Variants in TLE2 observed in about 807,000 individuals in gnomAD.
TLE2 encodes transducin-like enhancer protein 2.
Under a neutral mutation model 97.2 loss-of-function variants are expected in TLE2, and 74 were observed. The ratio of observed to expected loss-of-function variants is 0.76; its 90% CI spans 0.63 to 0.92. The LOEUF is 0.92. Ranked by LOEUF, TLE2 falls within the 40% of genes least tolerant of loss-of-function variation. TLE2 has a pLI of 0.00. For synonymous variants in TLE2, 499 were observed against 432.1 expected, an observed-to-expected ratio of 1.15 and a Z score of -1.92; for missense variants, 1,038 against 1,008.7, an observed-to-expected ratio of 1.03 and a Z score of -0.39.
intron 1 of TLE2, chr19:3,045,642 C>T (rs2090136085): frequency 5.3e-6 from 2 of 374,008 alleles, no homozygotes. Context: ...CATGGTGAAA[C>T]CACCCCCCAC....
chr19:3,017,297 T>C (rs113230205), intron 8 of TLE2, among the ~76,000 whole-genome samples: 2,019 of 151,330 alleles, frequency 0.013, 43 homozygotes, highest in African/African-American at 0.046. Flanking sequence ...GCCGCCACGT[T>C]TGGCTAATTT....
chr19:3,003,386 C>G (rs1819711437), intron 17 of TLE2, among the ~76,000 whole-genome samples: 1 of 152,102 alleles, frequency 6.6e-6, no homozygotes, highest in South Asian at 2.1e-4. Context: ...GCCTGTAATC[C>G]CAACACTGTG....
rs761890014 is a variant in TLE2 at position 2,997,963 on chromosome 19, G to C, written c.2125-8C>G. 9.4e-6 allele frequency: 15 copies of C among 1,602,704 alleles called. No homozygotes were observed. Among genetic ancestry groups the C allele is most frequent in the Non-Finnish European group, 1.3e-5 (15 of 1,172,260 alleles). ...TGAGGACGACTCCTTGGACTGCCAA[G>C]GGAAGGGAGAGAGAAAAGGGCACAG... is the stretch of plus-strand genomic sequence containing the variant. On this transcript the variant is annotated splice_polypyrimidine_tract_variant and splice_region_variant and intron_variant, in intron 19 of 19. Coordinates refer to ENST00000262953, the MANE Select transcript of TLE2 (RefSeq NM_003260.5).
At chr19:3,025,256 C>A in intron 4 of TLE2, 174 bp from the exon 5 acceptor site, 1 of 1,103,668 alleles carries the variant, frequency 9.1e-7, no homozygotes, top group Non-Finnish European at 1.2e-6. Flanking sequence ...ATTCAGAGCC[C>A]CACCAGGCTG....
At chr19:3,036,278 C>T (rs550982032) in intron 1 of TLE2, among the ~76,000 whole-genome samples, 18 of 152,340 alleles carry the variant, frequency 1.2e-4, no homozygotes, top group Middle Eastern at 6.8e-3. Context: ...TTCCCAGAAG[C>T]TCCCGCGCGG....
At chr19:3,004,660 T>G (rs543644637) in intron 17 of TLE2, among the ~76,000 whole-genome samples, 1 of 148,150 alleles carries the variant, frequency 6.7e-6, no homozygotes, top group East Asian at 2.0e-4. Flanking sequence ...AGGAGTTAGC[T>G]CCTCTTAGGT....
chr19:3,003,413 G>A (rs1435534626), intron 17 of TLE2, among the ~76,000 whole-genome samples: 3 of 152,154 alleles, frequency 2.0e-5, no homozygotes, highest in East Asian at 1.9e-4. Flanking sequence ...CGAGGCGGGC[G>A]GATCATCTGA....
chr19:2,998,451 T>C (rs2089275453), intron 19 of TLE2, among the ~76,000 whole-genome samples: 1 of 148,424 alleles, frequency 6.7e-6, no homozygotes, highest in Non-Finnish European at 1.5e-5. Context: ...CTAATTTTTG[T>C]ATTTTTAGAA....
At chr19:3,025,515 C>T (rs1479485242) in intron 4 of TLE2, 1 of 998,122 alleles carries the variant, frequency 1.0e-6, no homozygotes, top group Non-Finnish European at 1.2e-6. Flanking sequence ...CCAGGCAAGG[C>T]CCCTTTCTTG....
rs572919997 is a variant in TLE2 at position 3,045,008 on chromosome 19, A to G, written c.63+718T>C. On this transcript the variant is annotated intron_variant, in intron 1 of 18. Transcript: ENST00000426948. Reference sequence around the variant, plus strand: ...CGAGGTGGGTGGATCACTTGAGGTCAGGAGTTTCAGACCAGCCTGGCCAAC... The same window carrying G: ...CGAGGTGGGTGGATCACTTGAGGTCGGGAGTTTCAGACCAGCCTGGCCAAC... Among the ~76,000 whole-genome samples the G allele has an allele frequency of 5.9e-5, 9 of 152,238 alleles. No individual in the cohort carries two copies. In the East Asian group the frequency reaches 1.6e-3, roughly 26 times the overall value.
At chr19:3,037,251 C>T (rs930491707) in intron 1 of TLE2, among the ~76,000 whole-genome samples, 1 of 152,216 alleles carries the variant, frequency 6.6e-6, no homozygotes, top group African/African-American at 2.4e-5. Context: ...CGCCACTGCA[C>T]TCTAGCCTGG....
In TLE2 at chr19:3,005,470, G is replaced by A. The variant is rs370245353; in HGVS notation, c.1863C>T (p.Gly621=). ...NTVRCWDLRE[G]RQLQQHDFSS... is the part of the protein sequence containing the mutation. ...TGAAGTCATGCTGCTGCAGCTGGCG[G>A]CCCTCCCGCAGGTCCCAGCAGCGCA... is the stretch of plus-strand genomic sequence containing the variant. The change falls in exon 17 of 20, where the codon GGC becomes GGT. Residue 621 remains glycine (G), a synonymous_variant. Coordinates refer to ENST00000262953, the MANE Select transcript of TLE2 (RefSeq NM_003260.5). 1 of 1,613,682 alleles carries A rather than the reference G, an allele frequency of 6.2e-7. No individual in the cohort carries two copies. Among genetic ancestry groups the A allele is most frequent in the Non-Finnish European group, 8.5e-7 (1 of 1,179,830 alleles).
At chr19:3,000,451 G>A (rs1380241209) in intron 19 of TLE2, among the ~76,000 whole-genome samples, 196 bp downstream of exon 19, 1 of 152,096 alleles carries the variant, frequency 6.6e-6, no homozygotes, top group Admixed American at 6.6e-5. Flanking sequence ...GCTACGGGCA[G>A]ATGAGGCGAG....
intron 4 of TLE2, among the ~76,000 whole-genome samples, chr19:3,027,232 C>A (rs1161995707): frequency 6.6e-6 from 1 of 152,234 alleles, no homozygotes; most frequent in Non-Finnish European, 1.5e-5. Flanking sequence ...CAGAGCCTTA[C>A]GACACTGGAG....
intron 9 of TLE2, 118 bp from the exon 10 acceptor site, chr19:3,014,732 C>T: frequency 2.1e-6 from 2 of 939,944 alleles, no homozygotes; most frequent in Middle Eastern, 4.6e-4. Flanking sequence ...GACTGGGATT[C>T]TCAGACCACT....
In TLE2 at chr19:3,028,220, G is replaced by T. The variant is rs2089977645; in HGVS notation, c.186+99C>A. 4.8e-6 allele frequency: 6 copies of T among 1,245,138 alleles called. No homozygotes were observed. In the South Asian group the frequency reaches 6.4e-5, roughly 13 times the overall value. The allele number at this position is 1,245,138 out of a possible 1,614,324, so 77.1% of individuals were successfully genotyped here. A position where few individuals can be genotyped will look rare whatever the true frequency, so the allele number is the denominator to read the frequency against. ...ACCTGCCCAATGTACAGACGGGGAA[G>T]ACGAGGTTCGGAGTGGGGCAGGGAC... On this transcript the variant is annotated intron_variant, in intron 3 of 19. Coordinates refer to ENST00000262953, the MANE Select transcript of TLE2 (RefSeq NM_003260.5).
At chr19:3,024,338 C>T (rs1191108896) in intron 5 of TLE2, among the ~76,000 whole-genome samples, 1 of 151,992 alleles carries the variant, frequency 6.6e-6, no homozygotes, top group Non-Finnish European at 1.5e-5. Flanking sequence ...TTTGTAAGTG[C>T]ACAGCTCAGC....
rs2089342668 is a variant in TLE2 at position 3,000,850 on chromosome 19, G to A, written c.2048-127C>T. 4.6e-6 allele frequency: 3 copies of A among 646,290 alleles called. No individual in the cohort carries two copies. In the South Asian group the frequency reaches 5.6e-5, roughly 12 times the overall value. The allele number at this position is 646,290 out of a possible 1,614,324, so 40.0% of individuals were successfully genotyped here. ...TTTTTTTTTTTTTTTTTCCAAGAAA[G>A]GGTCTTGCTCTGTCACCCAGGCTGG... On this transcript the variant is annotated intron_variant, in intron 18 of 19. Transcript: ENST00000262953.
chr19:3,006,355 C>A (rs2089477364), intron 15 of TLE2, 65 bp downstream of exon 15: 6 of 1,565,658 alleles, frequency 3.8e-6, no homozygotes, highest in Admixed American at 1.7e-5. Flanking sequence ...CGAACACCGC[C>A]CCATTGGAAC....
Sources: allele counts gnomAD v4.1 joint callset (sites outside exome capture counted in the v4.1 genomes callset), GRCh38; gene constraint gnomAD v4.1.1; transcripts MANE v1.5; gene names NCBI Gene and HGNC (gene_info 2026-07-23, HGNC 2026-07-21).